The following PCM1 variants were observed in gnomAD, a reference collection of about 807,000 sequenced individuals.
PCM1 encodes pericentriolar material 1, also known as pericentriolar material 1 protein.
A neutral mutation model predicts 241.9 loss-of-function variants in PCM1; 157 were observed. The observed-to-expected ratio is 0.65, with a 90% CI of 0.57 to 0.74. The LOEUF is 0.74. Ranked by LOEUF, PCM1 falls within the 30% of genes least tolerant of loss-of-function variation. The pLI, the probability that PCM1 is intolerant of heterozygous loss-of-function variation, is 0.00. For missense variants in PCM1, 3,478 were observed against 2,360.1 expected, an observed-to-expected ratio of 1.47 and a Z score of -9.81; for synonymous variants, 1,085 against 784.9, an observed-to-expected ratio of 1.38 and a Z score of -6.39.
rs1322440586 is a variant in PCM1, at chr8:17,923,443, C to A, written c.-91+255C>A. Among the ~76,000 whole-genome samples, 4 of 152,196 alleles carry A rather than the reference C, an allele frequency of 2.6e-5. No homozygotes were observed. In the East Asian group the frequency reaches 7.7e-4, roughly 29 times the overall value. On this transcript the variant is annotated intron_variant, in intron 1 of 38. Coordinates refer to ENST00000325083, the MANE Select transcript of PCM1 (RefSeq NM_006197.4). ...TGGTGATTGCAGGACTCCCTTCTTGCCTCCTCGCCCCTCCTGCTGGCCCTG... is the reference window on the plus strand; with the variant it reads ...TGGTGATTGCAGGACTCCCTTCTTGACTCCTCGCCCCTCCTGCTGGCCCTG...
intron 15 of PCM1, among the ~76,000 whole-genome samples, chr8:17,961,703 T>G (rs1438687938): frequency 6.6e-6 from 1 of 152,204 alleles, no homozygotes; most frequent in Non-Finnish European, 1.5e-5. Context: ...CCTTTCCTAC[T>G]GTATCTAATC....
At chr8:18,016,780 T>C (rs936152621) in intron 36 of PCM1, among the ~76,000 whole-genome samples, 3 of 152,200 alleles carry the variant, frequency 2.0e-5, no homozygotes, top group South Asian at 4.1e-4. Context: ...TTTTGCACAA[T>C]TACCCTTTCA....
At chr8:17,978,110 T>G (rs1384286598) in intron 23 of PCM1, among the ~76,000 whole-genome samples, 1 of 151,994 alleles carries the variant, frequency 6.6e-6, no homozygotes, top group Non-Finnish European at 1.5e-5. Flanking sequence ...TAGAAAAAAA[T>G]GACATTAAGT....
intron 16 of PCM1, 108 bp from the exon 17 acceptor site, chr8:17,962,993 A>AT: frequency 1.4e-6 from 1 of 696,064 alleles, no homozygotes; most frequent in Non-Finnish European, 2.4e-6. Flanking sequence ...AAAGGAGAGA[A>AT]TGAGAATAGA....
At chr8:17,989,828 A>C (rs1307113902) in intron 26 of PCM1, 31 bp from the exon 27 acceptor site, 1 of 1,407,058 alleles carries the variant, frequency 7.1e-7, no homozygotes, top group East Asian at 2.5e-5. Context: ...TAGAAGTATT[A>C]GTGATTTTTG....
intron 36 of PCM1, among the ~76,000 whole-genome samples, chr8:18,015,104 A>G (rs2092998797): frequency 1.3e-5 from 2 of 152,198 alleles, no homozygotes; most frequent in Admixed American, 1.3e-4. Flanking sequence ...TGAAGTGGTA[A>G]TGATGCATGA....
rs987183455 is a variant in PCM1 at position 17,952,542 on chromosome 8, G to A, written c.1072-428G>A. ...CCATGGATCAGGAATATTTTGGGGG[G>A]AGAAATAACACAACAATTTTTAAAA... On this transcript the variant is annotated intron_variant, in intron 8 of 38. Transcript: ENST00000325083. Among the ~76,000 whole-genome samples the A allele has an allele frequency of 3.9e-5, 6 of 152,166 alleles. No individual in the cohort carries two copies. In the East Asian group the frequency reaches 9.7e-4, roughly 25 times the overall value.
chr8:18,017,992 G>C (rs1283865531), intron 36 of PCM1, among the ~76,000 whole-genome samples: 1 of 152,210 alleles, frequency 6.6e-6, no homozygotes, highest in Non-Finnish European at 1.5e-5. Flanking sequence ...GCATCAGTGG[G>C]AGTCACGTAC....
Position 17,991,613 on chromosome 8 carries a change from G to A in PCM1, c.4603G>A (p.Glu1535Lys), listed in dbSNP as rs763552630. The stretch of plus-strand genomic sequence containing the variant: ...ATATGAGCGTATGAAGACTGAGGCT[G>A]AAAGTAACTCAAATATGAGATGCAC... ...REYERMKTEAESNSNMRCTCR... is the reference protein window; with the variant it reads ...REYERMKTEAKSNSNMRCTCR... The change falls in exon 28 of 39, where the codon GAA becomes AAA. Residue 1535 changes from glutamate (E) to lysine (K), a missense_variant. By Grantham distance (56) the Glu-to-Lys change is moderately conservative. Transcript: ENST00000325083. 1.3e-6 allele frequency: 2 copies of A among 1,588,146 alleles called. No homozygotes were observed. The highest frequency in any genetic ancestry group is 1.2e-5 in the South Asian group (1 of 86,870).
chr8:17,967,573 G>T (rs150792222), intron 21 of PCM1, among the ~76,000 whole-genome samples: 11 of 152,204 alleles, frequency 7.2e-5, no homozygotes, highest in African/African-American at 2.7e-4. Context: ...CTCCCATGGT[G>T]CTGGGATTAC....
In PCM1 at chr8:17,960,100, T is replaced by C; in HGVS notation, c.2127T>C (p.Asn709=). Residue 709 remains asparagine, a synonymous_variant, in exon 14 of 39, where the codon AAT becomes AAC. Coordinates refer to ENST00000325083, the MANE Select transcript of PCM1 (RefSeq NM_006197.4). ...FYPAEEDTKQ[N]SNNTRGNANK... ...CAGCAGAAGAAGACACCAAGCAAAATTCAAATAACACTAGAGGAAATGCCA... is the reference window on the plus strand; with the variant it reads ...CAGCAGAAGAAGACACCAAGCAAAACTCAAATAACACTAGAGGAAATGCCA... 1 of 1,607,230 alleles carries C rather than the reference T, an allele frequency of 6.2e-7. No individual in the cohort carries two copies. The highest frequency in any genetic ancestry group is 8.5e-7 in the Non-Finnish European group (1 of 1,176,082).
At chr8:17,955,994 A>T (rs2068222883) in intron 10 of PCM1, 1 of 301,214 alleles carries the variant, frequency 3.3e-6, no homozygotes, top group Admixed American at 4.7e-5. Context: ...AGGCTGTGTT[A>T]CCCTGTACAA....
intron 20 of PCM1, 76 bp from the exon 21 acceptor site, chr8:17,966,904 A>ATGTATTCTT (rs1298349922): frequency 3.0e-6 from 4 of 1,312,724 alleles, no homozygotes; most frequent in Non-Finnish European, 3.1e-6. Context: ...ATTTTTTTAC[A>ATGTATTCTT]TGTATTCTTC....
chr8:17,983,165 G>A, intron 24 of PCM1: 1 of 735,010 alleles, frequency 1.4e-6, no homozygotes, highest in Non-Finnish European at 2.0e-6. Context: ...ACTTATTCAT[G>A]TTATAGACCC....
chr8:17,952,834 G>T, intron 8 of PCM1, 136 bp from the exon 9 acceptor site: 1 of 599,490 alleles, frequency 1.7e-6, no homozygotes, highest in East Asian at 2.8e-5. Context: ...AATAGTAAGG[G>T]TATATACTTA....
chr8:17,965,981 C>G lies in PCM1; in HGVS notation c.2856-18C>G, dbSNP rs894795300. 3 of 1,580,368 alleles carry G rather than the reference C, an allele frequency of 1.9e-6. No individual in the cohort carries two copies. The highest frequency in any genetic ancestry group is 2.6e-6 in the Non-Finnish European group (3 of 1,157,166). On this transcript the variant is annotated intron_variant, in intron 18 of 38. Coordinates refer to ENST00000325083, the MANE Select transcript of PCM1 (RefSeq NM_006197.4). ...AATTATTATGTATGATGACTTAATG[C>G]TTTCAATCTTGTGTTAGGTGGAAGA...
chr8:17,966,313 A>G lies in PCM1; in HGVS notation c.3076-15A>G. ...AAGTCATCAGTAACTATTAACAAAC[A>G]TTTTCTTTCAATAGACTCTATCTTG... On this transcript the variant is annotated splice_polypyrimidine_tract_variant and intron_variant, in intron 19 of 38. Transcript: ENST00000325083. The G allele has an allele frequency of 2.5e-6, 4 of 1,612,744 alleles. No homozygotes were observed. The highest frequency in any genetic ancestry group is 3.4e-6 in the Non-Finnish European group (4 of 1,179,050).
intron 18 of PCM1, among the ~76,000 whole-genome samples, chr8:17,965,210 C>T (rs1416176468): frequency 1.3e-5 from 2 of 152,124 alleles, no homozygotes; most frequent in South Asian, 2.1e-4. Flanking sequence ...CTGTGTGTCC[C>T]ACCCTCCCCA....
intron 18 of PCM1, among the ~76,000 whole-genome samples, chr8:17,965,158 G>A (rs1017767110): frequency 2.0e-5 from 3 of 152,182 alleles, no homozygotes; most frequent in Non-Finnish European, 4.4e-5. Flanking sequence ...TGTTAGGACA[G>A]TGTGTGGGTT....
Sources: gnomAD v4.1 joint callset for allele counts (sites outside exome capture counted in the v4.1 genomes callset) on GRCh38, gnomAD v4.1.1 for gene constraint, MANE v1.5 for transcripts, NCBI Gene and HGNC (gene_info 2026-07-23, HGNC 2026-07-21) for gene names.